RIMS2: variants seen among roughly 807,000 people sequenced by gnomAD.
The protein encoded by RIMS2 is regulating synaptic membrane exocytosis protein 2.
A neutral mutation model predicts 174.4 loss-of-function variants in RIMS2; 59 were observed. The observed-to-expected ratio is 0.34, with a 90% CI of 0.27 to 0.42. The LOEUF (loss-of-function observed/expected upper bound fraction) is 0.42. RIMS2 is among the 10% of genes least tolerant of loss of function. RIMS2 has a pLI of 1.00. For synonymous variants in RIMS2, 606 were observed against 572.5 expected (o/e 1.06, Z -0.84); for missense variants, 1,620 against 1,666.3 (o/e 0.97, Z 0.48).
At chr8:103,906,087 C>T (rs917008106) in intron 4 of RIMS2, among the ~76,000 whole-genome samples, 5 of 152,102 alleles carry the variant, frequency 3.3e-5, no homozygotes, top group Non-Finnish European at 7.4e-5. Flanking sequence ...CCAGTGGAAA[C>T]TATTATTAGG....
chr8:104,136,085 C>G (rs1465848103), intron 19 of RIMS2, among the ~76,000 whole-genome samples: 1 of 152,158 alleles, frequency 6.6e-6, no homozygotes, highest in African/African-American at 2.4e-5. Flanking sequence ...GTTGGCTTAC[C>G]AGTAGAGAAT....
intron 19 of RIMS2, among the ~76,000 whole-genome samples, chr8:104,041,949 C>T (rs1354965902): frequency 6.6e-6 from 1 of 151,438 alleles, no homozygotes; most frequent in Middle Eastern, 3.2e-3. Context: ...GAAAAAGTGT[C>T]TTGGATGAGG....
chr8:103,643,725 G>C (rs1157527633), intron 1 of RIMS2, among the ~76,000 whole-genome samples: 1 of 151,950 alleles, frequency 6.6e-6, no homozygotes, highest in Non-Finnish European at 1.5e-5. Context: ...TATTATATAA[G>C]AACTCTACTG....
At chr8:104,084,724 A>G (rs919148860) in intron 19 of RIMS2, among the ~76,000 whole-genome samples, 3 of 152,144 alleles carry the variant, frequency 2.0e-5, no homozygotes, top group African/African-American at 7.2e-5. Flanking sequence ...CTTTTATTTC[A>G]TCATGGACTA....
In RIMS2 at chr8:104,100,589, T is replaced by C. The variant is rs146981634; in HGVS notation, c.3334+85974T>C. 1.8e-3 allele frequency among the ~76,000 whole-genome samples: 274 copies of C among 152,044 alleles called. 4 individuals carry two copies. The highest frequency in any genetic ancestry group is 0.01 in the Middle Eastern group (3 of 294). On this transcript the variant is annotated intron_variant, in intron 19 of 23. Coordinates refer to ENST00000504942, the Ensembl canonical transcript of RIMS2. ...TTTTACATTAGCTATCCAAGCATTT[T>C]TGAGGATATTGTTTCTTATGCTACT...
intron 3 of RIMS2, among the ~76,000 whole-genome samples, chr8:103,837,940 CT>C (rs34876587): frequency 0.023 from 3,085 of 135,638 alleles, 92 homozygotes; most frequent in African/African-American, 0.075. Flanking sequence ...CTTTCTTTCT[CT>C]TTTTTTTTTT....
At chr8:104,223,458 A>T in intron 19 of RIMS2, 1 of 1,376,338 alleles carries the variant, frequency 7.3e-7, no homozygotes, top group South Asian at 1.7e-5. Flanking sequence ...TCTCCAATAA[A>T]TTGGAGGTCC....
intron 2 of RIMS2, among the ~76,000 whole-genome samples, chr8:103,763,559 A>G (rs2098135459): frequency 6.6e-6 from 1 of 151,934 alleles, no homozygotes; most frequent in Admixed American, 6.6e-5. Context: ...AGAAGGGAGG[A>G]AAGGAAGGAT....
At chr8:103,610,974 G>A (rs2095349073) in intron 1 of RIMS2, among the ~76,000 whole-genome samples, 1 of 152,136 alleles carries the variant, frequency 6.6e-6, no homozygotes, top group African/African-American at 2.4e-5. Context: ...GAGCTGGTAG[G>A]ATTTTTATTA....
chr8:103,879,196 A>G (rs1438507757), intron 3 of RIMS2, among the ~76,000 whole-genome samples: 2 of 151,310 alleles, frequency 1.3e-5, no homozygotes. Flanking sequence ...GATACAAATG[A>G]AAGTCTGGGG....
In RIMS2 at chr8:103,752,379, T is replaced by C. The variant is rs71520851; in HGVS notation, c.388-13848T>C. Among the ~76,000 whole-genome samples the C allele has an allele frequency of 2.9e-3, 446 of 152,322 alleles. 1 individual carries two copies. The highest frequency in any genetic ancestry group is 5.0e-3 in the Non-Finnish European group (343 of 68,020). On this transcript the variant is annotated intron_variant, in intron 2 of 23. Transcript: ENST00000504942. Reference sequence around the variant, plus strand: ...CCTTCTAGTATAGTTAGAAGTCAGGTAGCGTGATGCCTCCAGCTTTGTTCT... The same window carrying C: ...CCTTCTAGTATAGTTAGAAGTCAGGCAGCGTGATGCCTCCAGCTTTGTTCT...
intron 19 of RIMS2, among the ~76,000 whole-genome samples, chr8:104,150,146 T>C (rs990100724): frequency 6.6e-6 from 1 of 152,152 alleles, no homozygotes; most frequent in Non-Finnish European, 1.5e-5. Flanking sequence ...TCATTGCATG[T>C]TTTTCTTTAA....
At chr8:103,883,287 T>C (rs1054314295) in intron 3 of RIMS2, among the ~76,000 whole-genome samples, 3 of 151,782 alleles carry the variant, frequency 2.0e-5, no homozygotes, top group Non-Finnish European at 4.4e-5. Context: ...AATAACTGGC[T>C]AATTACAAAA....
intron 1 of RIMS2, among the ~76,000 whole-genome samples, chr8:103,613,372 G>C (rs936261554): frequency 6.6e-6 from 1 of 152,086 alleles, no homozygotes. Flanking sequence ...GGCCATCACT[G>C]ATGTTCACTT....
At chr8:103,791,396 G>A (rs2098497796) in intron 3 of RIMS2, among the ~76,000 whole-genome samples, 1 of 152,150 alleles carries the variant, frequency 6.6e-6, no homozygotes, top group Non-Finnish European at 1.5e-5. Context: ...CACCAGGCCT[G>A]CCTTACAAGA....
intron 19 of RIMS2, among the ~76,000 whole-genome samples, chr8:104,057,055 T>C (rs1211156245): frequency 6.8e-6 from 1 of 148,024 alleles, no homozygotes; most frequent in African/African-American, 2.4e-5. Flanking sequence ...TTTTTTCTTT[T>C]TCTTTTTCTT....
intron 19 of RIMS2, among the ~76,000 whole-genome samples, chr8:104,089,788 A>G (rs916064108): frequency 6.6e-6 from 1 of 151,714 alleles, no homozygotes; most frequent in Non-Finnish European, 1.5e-5. Context: ...TGCTTTAGGC[A>G]TTGGAAATAA....
intron 3 of RIMS2, among the ~76,000 whole-genome samples, chr8:103,881,353 T>G (rs1197023968): frequency 6.6e-6 from 1 of 151,582 alleles, no homozygotes; most frequent in Admixed American, 6.6e-5. Context: ...GATGATTCTT[T>G]TATCAATATG....
At chr8:103,691,076 TCTG>T (rs2097017795) in intron 1 of RIMS2, among the ~76,000 whole-genome samples, 1 of 152,210 alleles carries the variant, frequency 6.6e-6, no homozygotes, top group Non-Finnish European at 1.5e-5. Flanking sequence ...GGAGCTTCAT[TCTG>T]TGTTTTCTCT....
Sources: allele counts gnomAD v4.1 joint callset (sites outside exome capture counted in the v4.1 genomes callset), GRCh38; gene constraint gnomAD v4.1.1; transcripts MANE v1.5; gene names NCBI Gene and HGNC (gene_info 2026-07-23, HGNC 2026-07-21).